ERBB4: variants seen among roughly 807,000 people sequenced by gnomAD.
The protein encoded by ERBB4 is receptor tyrosine-protein kinase erbB-4.
In ERBB4, 42 loss-of-function variants were observed where a neutral mutation model predicts 158.0. That is an observed-to-expected ratio of 0.27 (90% CI 0.21 to 0.34). The LOEUF is 0.34. Ranked by LOEUF, ERBB4 falls within the 10% of genes least tolerant of loss-of-function variation. ERBB4 has a pLI of 1.00. For missense variants in ERBB4, 1,333 were observed against 1,624.1 expected, an observed-to-expected ratio of 0.82 and a Z score of 3.08; for synonymous variants, 583 against 558.7, an observed-to-expected ratio of 1.04 and a Z score of -0.61.
chr2:211,771,329 G>T (rs973202501), intron 4 of ERBB4, among the ~76,000 whole-genome samples: 8 of 152,116 alleles, frequency 5.3e-5, no homozygotes, highest in African/African-American at 1.4e-4. Flanking sequence ...ACAAGCTATG[G>T]TCATAAAGAA....
At chr2:211,715,329 G>A (rs2073857460) in intron 7 of ERBB4, among the ~76,000 whole-genome samples, 1 of 152,166 alleles carries the variant, frequency 6.6e-6, no homozygotes, top group African/African-American at 2.4e-5. Flanking sequence ...TCACTTTGTT[G>A]AGATGATATC....
intron 12 of ERBB4, among the ~76,000 whole-genome samples, chr2:211,687,237 G>GGAGCTTGCAGTGAGCC (rs1042227270): frequency 7.3e-5 from 11 of 150,750 alleles, no homozygotes; most frequent in African/African-American, 2.7e-4. Flanking sequence ...CCCAGGAGGC[G>GGAGCTTGCAGTGAGCC]GAGCTTGCAG....
At chr2:212,236,860 CTTCT>C (rs1368609753) in intron 1 of ERBB4, among the ~76,000 whole-genome samples, 1 of 152,012 alleles carries the variant, frequency 6.6e-6, no homozygotes, top group Non-Finnish European at 1.5e-5. Context: ...TCTCTCTTTT[CTTCT>C]TTATTAGTCT....
At chr2:212,201,279 T>A (rs1293286709) in intron 1 of ERBB4, among the ~76,000 whole-genome samples, 2 of 152,134 alleles carry the variant, frequency 1.3e-5, no homozygotes, top group South Asian at 2.1e-4. Context: ...TAAAAACTAG[T>A]GGAGCATGGT....
chr2:211,413,694 G>C (rs2063318461), intron 25 of ERBB4, among the ~76,000 whole-genome samples: 1 of 151,974 alleles, frequency 6.6e-6, no homozygotes, highest in African/African-American at 2.4e-5. Flanking sequence ...AATCACATAA[G>C]GAAAAAAGTT....
At chr2:211,921,067 T>C (rs1402445196) in intron 3 of ERBB4, among the ~76,000 whole-genome samples, 3 of 151,996 alleles carry the variant, frequency 2.0e-5, no homozygotes, top group African/African-American at 7.2e-5. Context: ...ACTGGATAAA[T>C]AACACTTGAT....
intron 8 of ERBB4, 102 bp from the exon 9 acceptor site, chr2:211,712,278 C>T: frequency 8.9e-7 from 1 of 1,120,190 alleles, no homozygotes; most frequent in Non-Finnish European, 1.3e-6. Context: ...TTAATTGTAA[C>T]ATATAAAATA....
At chr2:211,797,270 G>A (rs1223817593) in intron 3 of ERBB4, among the ~76,000 whole-genome samples, 5 of 151,846 alleles carry the variant, frequency 3.3e-5, no homozygotes, top group South Asian at 2.1e-4. Flanking sequence ...ATAAGGGGAC[G>A]GTCATATTAG....
At position 211,378,662 on chromosome 2, in the gene ERBB4, T is replaced by C. The variant is rs749561502; in HGVS notation, c.*4953A>G. On this transcript the variant is annotated 3_prime_UTR_variant, in exon 28 of 28. Transcript: ENST00000342788. ...GGCCCCATTGTAATATCAGTAATAA[T>C]GAGGTCTCCACTGATAATGATCTTT... 1.7e-5 allele frequency: 4 copies of C among 232,234 alleles called. No individual in the cohort carries two copies. The highest frequency in any genetic ancestry group is 6.6e-5 in the African/African-American group (3 of 45,196). The allele number at this position is 232,234 out of a possible 1,614,324, so 14.4% of individuals were successfully genotyped here.
At chr2:212,303,328 A>T (rs1021134389) in intron 1 of ERBB4, among the ~76,000 whole-genome samples, 3 of 149,336 alleles carry the variant, frequency 2.0e-5, no homozygotes, top group Middle Eastern at 6.8e-3. Flanking sequence ...AATTATGTAT[A>T]TTTGATTATA....
rs2063575950 is a variant in ERBB4 at position 211,424,222 on chromosome 2, T to C, written c.2799A>G (p.Leu933=). ...GIPTREIPDL[L]EKGERLPQPP... ...GCTGAGGCAAACGTTCTCCTTTCTC[T>C]AATAAATCAGGGATTTCTCGCGTTG... Residue 933 remains leucine (L), a synonymous_variant, in exon 23 of 28, where the codon TTA becomes TTG. Transcript: ENST00000342788. 1 of 1,613,318 alleles carries C rather than the reference T, an allele frequency of 6.2e-7. No homozygotes were observed. Among genetic ancestry groups the C allele is most frequent in the Admixed American group, 1.7e-5 (1 of 59,902 alleles).
intron 1 of ERBB4, among the ~76,000 whole-genome samples, chr2:212,417,351 CAGAAAG>C (rs1436760857): frequency 7.9e-5 from 12 of 152,046 alleles, no homozygotes; most frequent in Admixed American, 2.6e-4. Flanking sequence ...AAATAGTGAT[CAGAAAG>C]AGAAAAAGTA....
chr2:211,739,515 G>A (rs1248157426), intron 5 of ERBB4, among the ~76,000 whole-genome samples: 1 of 152,118 alleles, frequency 6.6e-6, no homozygotes, highest in African/African-American at 2.4e-5. Flanking sequence ...CCAGGCTGGA[G>A]TGCAGTGGTG....
intron 3 of ERBB4, among the ~76,000 whole-genome samples, chr2:211,838,187 A>G (rs768435499): frequency 4.6e-5 from 7 of 151,988 alleles, no homozygotes; most frequent in Non-Finnish European, 1.0e-4. Context: ...ACAATGGCCC[A>G]CTTGAGTGAG....
At chr2:211,641,369 T>C (rs1442476378) in intron 16 of ERBB4, among the ~76,000 whole-genome samples, 5 of 152,100 alleles carry the variant, frequency 3.3e-5, no homozygotes, top group Non-Finnish European at 7.4e-5. Context: ...TTTGTTCTTA[T>C]CTTTTTACTG....
intron 20 of ERBB4, among the ~76,000 whole-genome samples, chr2:211,450,478 A>T (rs967110058): frequency 3.3e-5 from 5 of 152,164 alleles, no homozygotes; most frequent in Non-Finnish European, 7.3e-5. Flanking sequence ...TCTAAGTGAG[A>T]GATGATGGCA....
chr2:212,279,272 A>G (rs1466042026), intron 1 of ERBB4, among the ~76,000 whole-genome samples: 2 of 151,272 alleles, frequency 1.3e-5, no homozygotes, highest in East Asian at 1.9e-4. Context: ...AATATTTGCT[A>G]CTGATCTTAC....
intron 12 of ERBB4, among the ~76,000 whole-genome samples, chr2:211,701,559 A>G (rs1007866569): frequency 2.0e-5 from 3 of 151,854 alleles, no homozygotes; most frequent in Non-Finnish European, 4.4e-5. Context: ...AATCGGGACC[A>G]TCCTGGCTAA....
intron 25 of ERBB4, among the ~76,000 whole-genome samples, chr2:211,403,716 T>G (rs1466455342): frequency 6.6e-6 from 1 of 152,172 alleles, no homozygotes; most frequent in Non-Finnish European, 1.5e-5. Context: ...CCACAATCTC[T>G]TATTCTTTCT....
Sources: gnomAD v4.1 joint callset for allele counts (sites outside exome capture counted in the v4.1 genomes callset) on GRCh38, gnomAD v4.1.1 for gene constraint, MANE v1.5 for transcripts, NCBI Gene and HGNC (gene_info 2026-07-23, HGNC 2026-07-21) for gene names.